IFT81: variants seen among roughly 807,000 people sequenced by gnomAD.
IFT81 encodes the protein intraflagellar transport protein 81 homolog.
IFT81 carries 72 observed loss-of-function variants against 102.6 expected under a neutral mutation model. The observed-to-expected ratio is 0.70, with a 90% CI of 0.58 to 0.85. IFT81 has a LOEUF of 0.85. Among genes scored for constraint, IFT81 ranks in the 40% least tolerant of loss-of-function variants. The pLI, the probability that IFT81 is intolerant of heterozygous loss-of-function variation, is 0.00. For missense variants in IFT81, 723 were observed against 787.3 expected, an observed-to-expected ratio of 0.92 and a Z score of 0.98; for synonymous variants, 237 against 242.7, an observed-to-expected ratio of 0.98 and a Z score of 0.22.
At chr12:110,144,061 G>A (rs1035250143) in intron 9 of IFT81, among the ~76,000 whole-genome samples, 1 of 140,980 alleles carries the variant, frequency 7.1e-6, no homozygotes, top group African/African-American at 2.7e-5. Context: ...CCAGGCTAGA[G>A]TACAGTGGCA....
At chr12:110,177,651 G>T (rs535634709) in intron 11 of IFT81, among the ~76,000 whole-genome samples, 5 of 152,238 alleles carry the variant, frequency 3.3e-5, no homozygotes, top group Admixed American at 2.6e-4. Context: ...TTATTTTAAC[G>T]TGAAGAATTT....
chr12:110,208,876 A>T (rs1354389027), intron 17 of IFT81, among the ~76,000 whole-genome samples: 1 of 152,230 alleles, frequency 6.6e-6, no homozygotes, highest in Non-Finnish European at 1.5e-5. Context: ...ATTTAAGCAG[A>T]TGGGTTGCCA....
intron 14 of IFT81, among the ~76,000 whole-genome samples, chr12:110,201,359 A>G: frequency 6.6e-6 from 1 of 151,222 alleles, no homozygotes; most frequent in Non-Finnish European, 1.5e-5. Flanking sequence ...CCAAGATCGT[A>G]CCATTGCATT....
intron 3 of IFT81, 133 bp downstream of exon 3, chr12:110,128,282 A>G (rs1893962947): frequency 1.6e-6 from 1 of 606,570 alleles, no homozygotes; most frequent in Non-Finnish European, 2.9e-6. Flanking sequence ...CTGAGTTTCA[A>G]AATAATCTTA....
chr12:110,151,903 A>T (rs1211076556), intron 10 of IFT81, among the ~76,000 whole-genome samples: 3 of 152,086 alleles, frequency 2.0e-5, no homozygotes. Flanking sequence ...GAGATCATGC[A>T]CTATTTGTCT....
intron 11 of IFT81, among the ~76,000 whole-genome samples, chr12:110,175,122 T>C (rs1166385709): frequency 6.6e-6 from 1 of 152,262 alleles, no homozygotes; most frequent in Non-Finnish European, 1.5e-5. Flanking sequence ...GCAAGCTTTG[T>C]AGTTTACTTT....
At chr12:110,160,983 T>A (rs547166653) in intron 10 of IFT81, among the ~76,000 whole-genome samples, 22 of 152,260 alleles carry the variant, frequency 1.4e-4, no homozygotes, top group Non-Finnish European at 2.5e-4. Flanking sequence ...TGTTCCTGAG[T>A]TTAGTGGGAA....
In IFT81 at chr12:110,162,120, G is replaced by A. The variant is rs569232252; in HGVS notation, c.1042-799G>A. ...TTATTAGAATGGCCCAAATATGATA[G>A]ATGTTTTAACATTTCATTTTAAAAG... On this transcript the variant is annotated intron_variant, in intron 10 of 18. Coordinates refer to ENST00000242591, the MANE Select transcript of IFT81 (RefSeq NM_014055.4). Among the ~76,000 whole-genome samples the A allele has an allele frequency of 2.0e-4, 30 of 152,188 alleles. No homozygotes were observed. In the East Asian group the frequency reaches 5.8e-3, roughly 29 times the overall value.
intron 7 of IFT81, among the ~76,000 whole-genome samples, chr12:110,136,353 G>T (rs1894509541): frequency 6.6e-6 from 1 of 152,120 alleles, no homozygotes; most frequent in Non-Finnish European, 1.5e-5. Context: ...ACTTGACTTG[G>T]CATCGAAGTA....
chr12:110,215,764 C>T (rs1044653698), intron 18 of IFT81, among the ~76,000 whole-genome samples: 41 of 151,808 alleles, frequency 2.7e-4, no homozygotes, highest in African/African-American at 8.0e-4. Context: ...AGTCACCCTT[C>T]CTCAATTTGC....
intron 18 of IFT81, among the ~76,000 whole-genome samples, chr12:110,212,243 A>T (rs1593380285): frequency 2.3e-5 from 1 of 43,518 alleles, no homozygotes; most frequent in Admixed American, 2.3e-4. Context: ...TCCTTACTTT[A>T]AAAAAAAAAA....
At chr12:110,198,001 C>T (rs1439512430) in intron 14 of IFT81, among the ~76,000 whole-genome samples, 3 of 152,156 alleles carry the variant, frequency 2.0e-5, no homozygotes, top group East Asian at 1.9e-4. Context: ...CATGAGCCAC[C>T]GTGCCCAGCC....
intron 12 of IFT81, among the ~76,000 whole-genome samples, chr12:110,182,435 G>A (rs1897343659): frequency 6.6e-6 from 1 of 152,104 alleles, no homozygotes; most frequent in African/African-American, 2.4e-5. Flanking sequence ...TACCTCCTCT[G>A]GTTTAGATGA....
intron 11 of IFT81, among the ~76,000 whole-genome samples, chr12:110,170,045 C>T (rs1344124914): frequency 6.6e-6 from 1 of 151,914 alleles, no homozygotes; most frequent in African/African-American, 2.4e-5. Context: ...CTCTGCCTCC[C>T]GGGTTCACGC....
Position 110,180,565 on chromosome 12 carries a change from A to G in IFT81, c.1332A>G (p.Gln444=). 6.2e-7 allele frequency: 1 copy of G among 1,602,924 alleles called. No homozygotes were observed. Among genetic ancestry groups the G allele is most frequent in the Non-Finnish European group, 8.5e-7 (1 of 1,172,080 alleles). The change falls in exon 12 of 19, where the codon CAA becomes CAG. Residue 444 remains glutamine (Q), a synonymous_variant. Coordinates refer to ENST00000242591, the MANE Select transcript of IFT81 (RefSeq NM_014055.4). The stretch of plus-strand genomic sequence containing the variant: ...AGCAACGTCATGAAAATATTCAACA[A>G]CAACTGGTAATACAGTATTATCTTG... ...LLKQRHENIQ[Q]QLQTMEEKKG...
rs949808448 is a variant in IFT81 at position 110,124,374 on chromosome 12, C to G, written c.-509C>G. ...TAGCAACCGTTGCCAAGGAGCTCGA[C>G]TCTGGGAGCGGTCTAGAGCCCGGGC... On this transcript the variant is annotated 5_prime_UTR_variant, in exon 1 of 19. Coordinates refer to ENST00000242591, the MANE Select transcript of IFT81 (RefSeq NM_014055.4). 1 of 152,020 alleles carries G rather than the reference C, an allele frequency of 6.6e-6. No homozygotes were observed. Among genetic ancestry groups the G allele is most frequent in the African/African-American group, 2.4e-5 (1 of 41,412 alleles). 9.4% of individuals were successfully genotyped at this position (152,020 alleles called of 1,614,324 possible).
At chr12:110,137,404 C>T (rs1033908323) in intron 8 of IFT81, among the ~76,000 whole-genome samples, 2 of 151,932 alleles carry the variant, frequency 1.3e-5, no homozygotes, top group Non-Finnish European at 2.9e-5. Flanking sequence ...ATGAAAACAA[C>T]TGTGGAGGGA....
chr12:110,131,061 T>C (rs1205019458), intron 4 of IFT81, among the ~76,000 whole-genome samples: 1 of 152,094 alleles, frequency 6.6e-6, no homozygotes, highest in East Asian at 1.9e-4. Flanking sequence ...GGTGGGCAGA[T>C]TGCTTGAGCT....
intron 17 of IFT81, among the ~76,000 whole-genome samples, 181 bp from the exon 18 acceptor site, chr12:110,208,990 C>T (rs1869053792): frequency 6.6e-6 from 1 of 151,822 alleles, no homozygotes; most frequent in Admixed American, 6.6e-5. Flanking sequence ...TTACTATTTA[C>T]TTGAAGAACT....
Sources: gnomAD v4.1 joint callset for allele counts (sites outside exome capture counted in the v4.1 genomes callset) on GRCh38, gnomAD v4.1.1 for gene constraint, MANE v1.5 for transcripts, NCBI Gene and HGNC (gene_info 2026-07-23, HGNC 2026-07-21) for gene names.